Variants in GRM5 observed in about 807,000 individuals in gnomAD.
The protein encoded by GRM5 is glutamate metabotropic receptor 5.
In GRM5, 19 loss-of-function variants were observed where a neutral mutation model predicts 83.1. That is an observed-to-expected ratio of 0.23 (90% CI 0.16 to 0.34). The LOEUF (loss-of-function observed/expected upper bound fraction) is 0.34. Among genes scored for constraint, GRM5 ranks in the 10% least tolerant of loss-of-function variants. The pLI is 1.00. For missense variants in GRM5, 1,160 were observed against 1,588.3 expected, an observed-to-expected ratio of 0.73 and a Z score of 4.58; for synonymous variants, 675 against 633.6, an observed-to-expected ratio of 1.07 and a Z score of -0.98.
At chr11:88,994,548 T>A (rs746904113) in intron 2 of GRM5, among the ~76,000 whole-genome samples, 1 of 139,328 alleles carries the variant, frequency 7.2e-6, no homozygotes, top group Non-Finnish European at 1.5e-5. Flanking sequence ...TCTGAGAGAA[T>A]CTTGGAGACA....
At chr11:88,901,593 A>G (rs1945316569) in intron 2 of GRM5, among the ~76,000 whole-genome samples, 1 of 152,108 alleles carries the variant, frequency 6.6e-6, no homozygotes, top group East Asian at 1.9e-4. Context: ...ATGCCCCTTC[A>G]TGTTTGTGCA....
At chr11:88,715,555 A>G (rs1486774532) in intron 3 of GRM5, among the ~76,000 whole-genome samples, 1 of 151,982 alleles carries the variant, frequency 6.6e-6, no homozygotes, top group Non-Finnish European at 1.5e-5. Context: ...CCTCCTGATC[A>G]GTAGAATAGA....
intron 3 of GRM5, among the ~76,000 whole-genome samples, chr11:88,730,954 A>C (rs1941795108): frequency 6.6e-6 from 1 of 152,140 alleles, no homozygotes; most frequent in Admixed American, 6.6e-5. Flanking sequence ...CCACCATGGC[A>C]CGTGTATACC....
At chr11:88,729,194 A>G (rs1941749308) in intron 3 of GRM5, among the ~76,000 whole-genome samples, 1 of 152,198 alleles carries the variant, frequency 6.6e-6, no homozygotes, top group Non-Finnish European at 1.5e-5. Flanking sequence ...ATACAAAATC[A>G]ATGTGGGAAA....
At chr11:88,857,654 A>G (rs1027848805) in intron 2 of GRM5, among the ~76,000 whole-genome samples, 1 of 152,110 alleles carries the variant, frequency 6.6e-6, no homozygotes, top group African/African-American at 2.4e-5. Context: ...TGGATGTGGC[A>G]TTCTAAACTC....
At chr11:89,038,691 C>G (rs1056670364) in intron 2 of GRM5, among the ~76,000 whole-genome samples, 1 of 152,108 alleles carries the variant, frequency 6.6e-6, no homozygotes, top group Non-Finnish European at 1.5e-5. Flanking sequence ...AAAATATGCT[C>G]AAAAGATACT....
intron 9 of GRM5, chr11:88,511,738 T>A (rs1941375789): frequency 6.6e-6 from 1 of 152,226 alleles, no homozygotes. Context: ...TGTATTACAA[T>A]TCTTTTTCCC....
chr11:88,808,973 A>G (rs1227535370), intron 3 of GRM5, among the ~76,000 whole-genome samples: 1 of 152,016 alleles, frequency 6.6e-6, no homozygotes, highest in Non-Finnish European at 1.5e-5. Context: ...ATCCATGGGG[A>G]AGAATAGACA....
intron 3 of GRM5, among the ~76,000 whole-genome samples, chr11:88,729,774 T>C (rs922557711): frequency 2.6e-5 from 4 of 152,024 alleles, no homozygotes; most frequent in Non-Finnish European, 5.9e-5. Flanking sequence ...AAACAAGCAA[T>C]GGGGAAAGGA....
intron 3 of GRM5, among the ~76,000 whole-genome samples, chr11:88,804,183 T>G (rs1943455471): frequency 6.6e-6 from 1 of 150,416 alleles, no homozygotes; most frequent in Admixed American, 6.6e-5. Context: ...ATCCCATTAC[T>G]GGGTATATAC....
intron 4 of GRM5, among the ~76,000 whole-genome samples, chr11:88,620,491 T>A (rs997078652): frequency 6.6e-5 from 10 of 152,104 alleles, no homozygotes; most frequent in African/African-American, 2.4e-4. Context: ...TGGTTGAAGG[T>A]GGAATAGACT....
chr11:88,912,593 C>A (rs1590958900), intron 2 of GRM5, among the ~76,000 whole-genome samples: 1 of 152,260 alleles, frequency 6.6e-6, no homozygotes, highest in East Asian at 1.9e-4. Flanking sequence ...AGAATAATAT[C>A]TCAGTTCATA....
chr11:88,760,165 A>C (rs1163676832), intron 3 of GRM5, among the ~76,000 whole-genome samples: 1 of 152,170 alleles, frequency 6.6e-6, no homozygotes, highest in Non-Finnish European at 1.5e-5. Context: ...TAAAATAACT[A>C]GAGAATCAAC....
chr11:88,758,873 A>G lies in GRM5; in HGVS notation c.911+91033T>C, dbSNP rs950378107. Among the ~76,000 whole-genome samples, 12 of 152,208 alleles carry G rather than the reference A, an allele frequency of 7.9e-5. 1 individual carries two copies. Among genetic ancestry groups the G allele is most frequent in the Admixed American group, 3.3e-4 (5 of 15,266 alleles). ...TCAGGTCACTTACAAAGGGAAATCC[A>G]TCATGCTAACAGTAGACCTCTCAGC... is the stretch of plus-strand genomic sequence containing the variant. On this transcript the variant is annotated intron_variant, in intron 3 of 9. Coordinates refer to ENST00000305447, the MANE Select transcript of GRM5 (RefSeq NM_001143831.3).
At chr11:88,525,448 T>C (rs1217993498) in intron 8 of GRM5, 44 bp from the exon 9 acceptor site, 2 of 1,213,686 alleles carry the variant, frequency 1.6e-6, no homozygotes, top group South Asian at 1.3e-5. Context: ...AAAGACGTGA[T>C]TGTGTGCTTA....
chr11:88,602,879 C>T (rs192857913), intron 5 of GRM5, among the ~76,000 whole-genome samples: 60 of 152,244 alleles, frequency 3.9e-4, no homozygotes, highest in Admixed American at 3.5e-3. Flanking sequence ...TCAATATATG[C>T]TAGTTATAAT....
chr11:88,892,006 G>T (rs1170526024), intron 2 of GRM5, among the ~76,000 whole-genome samples: 1 of 152,048 alleles, frequency 6.6e-6, no homozygotes, highest in African/African-American at 2.4e-5. Context: ...ACTATGTGCA[G>T]CCTTTAATAA....
At chr11:88,837,586 A>AT (rs1944114809) in intron 3 of GRM5, among the ~76,000 whole-genome samples, 1 of 152,216 alleles carries the variant, frequency 6.6e-6, no homozygotes, top group Non-Finnish European at 1.5e-5. Context: ...TGAGATGCAG[A>AT]TTACTTTAAA....
In GRM5 at chr11:88,764,996, A is replaced by C. The variant is rs370644677; in HGVS notation, c.911+84910T>G. On this transcript the variant is annotated intron_variant, in intron 3 of 9. Coordinates refer to ENST00000305447, the MANE Select transcript of GRM5 (RefSeq NM_001143831.3). ...CAAAAGGGGAGAAGACTCAATTACT[A>C]AAGTTAGAAATAAAAGTGGAGACAT... 2.4e-3 allele frequency among the ~76,000 whole-genome samples: 370 copies of C among 151,602 alleles called. 12 individuals are homozygous for C. The South Asian group carries it at 0.053, about 22-fold the overall frequency.
Sources: gnomAD v4.1 joint callset for allele counts (sites outside exome capture counted in the v4.1 genomes callset) on GRCh38, gnomAD v4.1.1 for gene constraint, MANE v1.5 for transcripts, NCBI Gene and HGNC (gene_info 2026-07-23, HGNC 2026-07-21) for gene names.